ZNF536: variants seen among roughly 807,000 people sequenced by gnomAD.
The protein encoded by ZNF536 is zinc finger protein 536.
Under a neutral mutation model 84.5 loss-of-function variants are expected in ZNF536, and 13 were observed. The ratio of observed to expected loss-of-function variants is 0.15; its 90% CI spans 0.10 to 0.24. The LOEUF (loss-of-function observed/expected upper bound fraction) is 0.24. Ranked by LOEUF, ZNF536 falls within the 10% of genes least tolerant of loss-of-function variation. The probability of loss-of-function intolerance (pLI) is 1.00; values close to 1 mark genes in which losing one functional copy is unlikely to be tolerated. For missense variants in ZNF536, 1,536 were observed against 1,747.5 expected, an observed-to-expected ratio of 0.88 and a Z score of 2.16; for synonymous variants, 811 against 742.5, an observed-to-expected ratio of 1.09 and a Z score of -1.50.
At chr19:30,287,219 A>T (rs2045660189) in intron 2 of ZNF536, among the ~76,000 whole-genome samples, 1 of 118,170 alleles carries the variant, frequency 8.5e-6, no homozygotes, top group Non-Finnish European at 1.6e-5. Flanking sequence ...AGATGGGTGG[A>T]TGGATGGATA....
chr19:30,651,520 A>G (rs2049705964), intron 1 of ZNF536, among the ~76,000 whole-genome samples: 1 of 152,222 alleles, frequency 6.6e-6, no homozygotes, highest in South Asian at 2.1e-4. Flanking sequence ...GCACGAGGAA[A>G]TTGAATAGCA....
rs763674981 is a variant in ZNF536, at chr19:30,228,850, C to CT, written c.-190+188dup. ...ACTGCCCGGCTGGCTGCTCGCACAA[C>CT]TTTTTTTTTTTCCCCCGTCTGCTGA... On this transcript the variant is annotated intron_variant, in intron 1 of 5. Coordinates refer to the ZNF536 transcript ENST00000585628. This position sits in a 1 kb window ranked among gnomAD's most constrained non-coding sequence, Gnocchi z 4.5. 0.018 allele frequency: 2,681 copies of CT among 147,340 alleles called. 32 individuals are homozygous for CT. Among genetic ancestry groups the CT allele is most frequent in the Non-Finnish European group, 0.029 (1,926 of 66,326 alleles). 9.1% of individuals were successfully genotyped at this position (147,340 alleles called of 1,614,324 possible).
chr19:30,679,479 G>A (rs949485549), intron 1 of ZNF536, among the ~76,000 whole-genome samples: 7 of 152,176 alleles, frequency 4.6e-5, no homozygotes, highest in African/African-American at 1.7e-4. Flanking sequence ...AAAGCCCACC[G>A]GGCTGCCTGC....
At chr19:30,432,653 A>C (rs2051527498) in intron 1 of ZNF536, among the ~76,000 whole-genome samples, 1 of 152,222 alleles carries the variant, frequency 6.6e-6, no homozygotes, top group African/African-American at 2.4e-5. Flanking sequence ...CATCACCACA[A>C]GAGCTTTGAC....
intron 3 of ZNF536, among the ~76,000 whole-genome samples, chr19:30,359,210 T>C (rs191551929): frequency 5.7e-4 from 87 of 152,358 alleles, no homozygotes; most frequent in African/African-American, 2.0e-3. Context: ...CACAAGTGTG[T>C]GTGTGGACTG....
At chr19:30,537,820 A>G (rs1259442926) in intron 3 of ZNF536, among the ~76,000 whole-genome samples, 1 of 152,208 alleles carries the variant, frequency 6.6e-6, no homozygotes, top group Non-Finnish European at 1.5e-5. Context: ...ACTTCCTAGA[A>G]TCAGAGAGAA....
intron 1 of ZNF536, among the ~76,000 whole-genome samples, chr19:30,383,824 CTTTCTCCTTCTTTCCTTCCTTCCT>C (rs2049167103): frequency 7.3e-6 from 1 of 136,840 alleles, no homozygotes; most frequent in African/African-American, 2.9e-5. Flanking sequence ...CTCTTTCTTT[CTTTCTCCTTCTTTCCTTCCTTCCT>C]TCCTTCCTTC....
At chr19:30,542,095 T>C (rs2045355456) in intron 3 of ZNF536, among the ~76,000 whole-genome samples, 1 of 151,986 alleles carries the variant, frequency 6.6e-6, no homozygotes, top group African/African-American at 2.4e-5. Context: ...CTTTTGGAGA[T>C]TTAGCAAAAA....
chr19:30,259,565 C>T (rs1173786179), intron 1 of ZNF536, among the ~76,000 whole-genome samples: 2 of 152,204 alleles, frequency 1.3e-5, no homozygotes, highest in African/African-American at 4.8e-5. Flanking sequence ...GTAAGAGCCA[C>T]TGCTTCAGGG....
At chr19:30,538,273 T>C (rs2045175122) in intron 3 of ZNF536, among the ~76,000 whole-genome samples, 1 of 152,226 alleles carries the variant, frequency 6.6e-6, no homozygotes, top group African/African-American at 2.4e-5. Flanking sequence ...TGCCATCTTT[T>C]TGAAGTTTTT....
At chr19:30,520,490 C>G (rs1431050605) in intron 2 of ZNF536, among the ~76,000 whole-genome samples, 3 of 152,144 alleles carry the variant, frequency 2.0e-5, no homozygotes, top group Non-Finnish European at 4.4e-5. Context: ...GGTCCTCATA[C>G]CCCCAACTCC....
chr19:30,563,099 C>T (rs1287880369), intron 1 of ZNF536, among the ~76,000 whole-genome samples: 2 of 152,126 alleles, frequency 1.3e-5, no homozygotes. Flanking sequence ...TTTCTGCAGC[C>T]ATGTAGGCTC....
chr19:30,711,109 C>G (rs571542009), exon 2 of ZNF536: 2 of 151,846 alleles, frequency 1.3e-5, no homozygotes, highest in African/African-American at 4.8e-5. Flanking sequence ...GTACAACCCC[C>G]CAATAGTGTA....
At chr19:30,606,454 TG>T (rs2047895427) in intron 1 of ZNF536, among the ~76,000 whole-genome samples, 1 of 152,074 alleles carries the variant, frequency 6.6e-6, no homozygotes, top group Admixed American at 6.5e-5. Flanking sequence ...TGCAGTGAGT[TG>T]GGGGTTTCCC....
chr19:30,282,618 C>A (rs2045489400), intron 1 of ZNF536, among the ~76,000 whole-genome samples: 1 of 152,174 alleles, frequency 6.6e-6, no homozygotes, highest in African/African-American at 2.4e-5. Flanking sequence ...GCAACCCCCT[C>A]CCTAAACATA....
At chr19:30,379,620 G>A (rs2048945168) in intron 1 of ZNF536, among the ~76,000 whole-genome samples, 1 of 151,078 alleles carries the variant, frequency 6.6e-6, no homozygotes, top group Non-Finnish European at 1.5e-5. Context: ...GGGCTTGAGG[G>A]TAGACAAGCA....
chr19:30,387,039 A>T (rs1258825463), intron 1 of ZNF536, among the ~76,000 whole-genome samples: 1 of 152,210 alleles, frequency 6.6e-6, no homozygotes, highest in East Asian at 1.9e-4. Flanking sequence ...CAATGTGCAG[A>T]CGAGAGTCGG....
At chr19:30,248,309 CCTCCTGGG>C (rs3081823) in intron 1 of ZNF536, among the ~76,000 whole-genome samples, 29,343 of 148,790 alleles carry the variant, frequency 0.2, 3,485 homozygotes, top group East Asian at 0.49. Flanking sequence ...GCAACCTCTG[CCTCCTGGG>C]CTCCTGGGTC....
At chr19:30,640,932 C>T (rs139061042) in intron 1 of ZNF536, among the ~76,000 whole-genome samples, 107 of 152,322 alleles carry the variant, frequency 7.0e-4, no homozygotes, top group African/African-American at 2.6e-3. Flanking sequence ...AAGGCCCTGT[C>T]TGGGACATAG....
Sources: allele counts gnomAD v4.1 joint callset (sites outside exome capture counted in the v4.1 genomes callset), GRCh38; gene constraint gnomAD v4.1.1; non-coding constraint Gnocchi (gnomAD v3.1); transcripts MANE v1.5; gene names NCBI Gene and HGNC (gene_info 2026-07-23, HGNC 2026-07-21).